Variants in CDH8 observed in about 807,000 individuals in gnomAD.
The protein encoded by CDH8 is cadherin 8.
Under a neutral mutation model 68.1 loss-of-function variants are expected in CDH8, and 17 were observed. That is an observed-to-expected ratio of 0.25 (90% CI 0.17 to 0.37). The LOEUF (loss-of-function observed/expected upper bound fraction) is 0.37. Among genes scored for constraint, CDH8 ranks in the 10% least tolerant of loss-of-function variants. CDH8 has a pLI of 1.00. For synonymous variants in CDH8, 372 were observed against 365.1 expected, an observed-to-expected ratio of 1.02 and a Z score of -0.21; for missense variants, 763 against 999.3, an observed-to-expected ratio of 0.76 and a Z score of 3.19.
chr16:61,946,327 T>C (rs1393693738), intron 2 of CDH8, among the ~76,000 whole-genome samples: 1 of 152,204 alleles, frequency 6.6e-6, no homozygotes, highest in Non-Finnish European at 1.5e-5. Flanking sequence ...AACTCTTTTC[T>C]ATTTCTGTAA....
intron 8 of CDH8, among the ~76,000 whole-genome samples, chr16:61,739,266 G>A (rs1959792165): frequency 6.6e-6 from 1 of 152,042 alleles, no homozygotes; most frequent in Admixed American, 6.6e-5. Flanking sequence ...AGTTTCAGAG[G>A]AATTAATGTG....
At chr16:61,697,698 C>T (rs72796877) in intron 10 of CDH8, among the ~76,000 whole-genome samples, 17,877 of 152,016 alleles carry the variant, frequency 0.12, 1,034 homozygotes, top group African/African-American at 0.12. Context: ...ACGGGTTGGA[C>T]CAGGCAGGTC....
intron 7 of CDH8, among the ~76,000 whole-genome samples, chr16:61,812,127 A>G (rs1397461456): frequency 6.6e-6 from 1 of 152,128 alleles, no homozygotes; most frequent in Non-Finnish European, 1.5e-5. Flanking sequence ...AGTTATTGCA[A>G]GACTGAGGGA....
intron 8 of CDH8, among the ~76,000 whole-genome samples, chr16:61,727,920 T>A (rs1352269847): frequency 6.6e-6 from 1 of 151,126 alleles, no homozygotes; most frequent in Non-Finnish European, 1.5e-5. Flanking sequence ...ATCCTTATTT[T>A]TTTAAGTTAT....
chr16:61,938,340 A>AGG (rs1964659497), intron 2 of CDH8, among the ~76,000 whole-genome samples: 1 of 152,188 alleles, frequency 6.6e-6, no homozygotes, highest in Admixed American at 6.5e-5. Flanking sequence ...CTAGGAGAAG[A>AGG]ATAGCATAAA....
At chr16:61,975,514 T>A (rs191688170) in intron 2 of CDH8, among the ~76,000 whole-genome samples, 136 of 152,266 alleles carry the variant, frequency 8.9e-4, no homozygotes, top group Middle Eastern at 3.4e-3. Flanking sequence ...GTATGTAACT[T>A]ATAAGGAGCA....
intron 8 of CDH8, among the ~76,000 whole-genome samples, chr16:61,742,372 T>C (rs529642036): frequency 1.3e-5 from 2 of 152,254 alleles, no homozygotes; most frequent in South Asian, 4.1e-4. Flanking sequence ...GACTAAAACC[T>C]TCAGTATAAT....
intron 8 of CDH8, among the ~76,000 whole-genome samples, chr16:61,775,646 CATAATTAAAAAG>C (rs1960882489): frequency 6.6e-6 from 1 of 151,966 alleles, no homozygotes; most frequent in Non-Finnish European, 1.5e-5. Context: ...ACATTGAGAA[CATAATTAAAAAG>C]CTAAGCTAGC....
intron 3 of CDH8, among the ~76,000 whole-genome samples, chr16:61,877,727 G>C (rs886364098): frequency 5.3e-5 from 8 of 151,988 alleles, no homozygotes; most frequent in South Asian, 4.1e-4. Context: ...AAATAAGAGA[G>C]AATGAAGAGA....
At chr16:61,690,424 C>T (rs1254021586) in intron 10 of CDH8, among the ~76,000 whole-genome samples, 1 of 151,914 alleles carries the variant, frequency 6.6e-6, no homozygotes, top group African/African-American at 2.4e-5. Flanking sequence ...TGGTCTTTTC[C>T]ATCTATATAA....
intron 3 of CDH8, among the ~76,000 whole-genome samples, chr16:61,896,460 T>C (rs538872874): frequency 6.6e-6 from 1 of 152,246 alleles, no homozygotes; most frequent in South Asian, 2.1e-4. Context: ...CCTCAGGGCA[T>C]ACAGGTGCAC....
intron 9 of CDH8, chr16:61,726,697 A>G (rs1340941266): frequency 2.7e-5 from 7 of 260,268 alleles, no homozygotes; most frequent in African/African-American, 1.3e-4. Context: ...GGGTTTCACT[A>G]TTATTTGGTA....
chr16:61,727,259 T>C, intron 8 of CDH8, 44 bp from the exon 9 acceptor site: 2 of 1,543,458 alleles, frequency 1.3e-6, no homozygotes, highest in South Asian at 2.5e-5. Context: ...GGTATTTCAT[T>C]TTAACGTGCA....
At position 62,036,153 on chromosome 16, in the gene CDH8, C is replaced by T. The variant is rs1902453047; in HGVS notation, c.-273G>A. 1 of 152,280 alleles carries T rather than the reference C, an allele frequency of 6.6e-6. No homozygotes were observed. Among genetic ancestry groups the T allele is most frequent in the Admixed American group, 6.5e-5 (1 of 15,292 alleles). The allele number at this position is 152,280 out of a possible 1,614,324, so 9.4% of individuals were successfully genotyped here. A position where few individuals can be genotyped will look rare whatever the true frequency, so the allele number is the denominator to read the frequency against. On this transcript the variant is annotated 5_prime_UTR_variant, in exon 1 of 12. Transcript: ENST00000577390. ...TGGCTGGAGGTGCTCGGGGTTAGCT[C>T]CCGAGGGCGGCAAGCGCCGACCGGT...
chr16:61,836,485 A>G (rs1387979984), intron 4 of CDH8, among the ~76,000 whole-genome samples: 1 of 152,058 alleles, frequency 6.6e-6, no homozygotes, highest in African/African-American at 2.4e-5. Flanking sequence ...ATCAATAACT[A>G]CTACCACTAC....
chr16:61,789,269 G>A (rs997761933), intron 8 of CDH8, 77 bp downstream of exon 8: 4 of 1,318,982 alleles, frequency 3.0e-6, no homozygotes, highest in African/African-American at 3.0e-5. Flanking sequence ...AGAAACAGGG[G>A]CTGCTTATCA....
chr16:61,723,682 G>C (rs140080762), intron 9 of CDH8, among the ~76,000 whole-genome samples: 1 of 150,772 alleles, frequency 6.6e-6, no homozygotes, highest in Admixed American at 6.6e-5. Context: ...AACATAGTTG[G>C]TGCTCAGTAA....
intron 2 of CDH8, among the ~76,000 whole-genome samples, chr16:61,995,761 T>A (rs1020198940): frequency 6.6e-6 from 1 of 152,206 alleles, no homozygotes; most frequent in Non-Finnish European, 1.5e-5. Flanking sequence ...GTGCCTATAA[T>A]CATATGTAAT....
chr16:61,783,267 G>A (rs1961135299), intron 8 of CDH8, among the ~76,000 whole-genome samples: 1 of 117,540 alleles, frequency 8.5e-6, no homozygotes, highest in Admixed American at 8.9e-5. Context: ...TGAAAACCAA[G>A]GCTCGAGAAC....
Sources: allele counts gnomAD v4.1 joint callset (sites outside exome capture counted in the v4.1 genomes callset), GRCh38; gene constraint gnomAD v4.1.1; transcripts MANE v1.5; gene names NCBI Gene and HGNC (gene_info 2026-07-23, HGNC 2026-07-21).